Variants in VGLL4 observed in about 807,000 individuals in gnomAD.
VGLL4 encodes vestigial like family member 4.
VGLL4 carries 7 observed loss-of-function variants against 21.0 expected under a neutral mutation model. The ratio of observed to expected loss-of-function variants is 0.33; its 90% CI spans 0.19 to 0.63. VGLL4 has a LOEUF of 0.63. Ranked by LOEUF, VGLL4 falls within the 20% of genes least tolerant of loss-of-function variation. The pLI, the probability that VGLL4 is intolerant of heterozygous loss-of-function variation, is 0.78. For missense variants in VGLL4, 394 were observed against 425.7 expected, an observed-to-expected ratio of 0.93 and a Z score of 0.66; for synonymous variants, 222 against 173.2, an observed-to-expected ratio of 1.28 and a Z score of -2.21.
chr3:11,718,394 C>A (rs1471712527), intron 1 of VGLL4, among the ~76,000 whole-genome samples: 1 of 152,166 alleles, frequency 6.6e-6, no homozygotes, highest in African/African-American at 2.4e-5. Context: ...CCCAAGATCA[C>A]ACCACAGGGA....
chr3:11,639,655 C>A (rs1441830967), intron 1 of VGLL4, among the ~76,000 whole-genome samples: 1 of 152,168 alleles, frequency 6.6e-6, no homozygotes, highest in Non-Finnish European at 1.5e-5. Context: ...GGCGGATTAC[C>A]TGAGATCAGG....
intron 1 of VGLL4, among the ~76,000 whole-genome samples, chr3:11,622,608 A>G (rs994120136): frequency 6.6e-6 from 1 of 152,358 alleles, no homozygotes. Flanking sequence ...AAACTGAAAC[A>G]TTTTAATTTG....
chr3:11,618,302 A>G (rs552626994), intron 1 of VGLL4, among the ~76,000 whole-genome samples: 1 of 152,284 alleles, frequency 6.6e-6, no homozygotes, highest in Non-Finnish European at 1.5e-5. Flanking sequence ...AGTTTATGTA[A>G]GCTATTATTA....
At chr3:11,641,826 C>T (rs573162903) in intron 1 of VGLL4, among the ~76,000 whole-genome samples, 2 of 152,090 alleles carry the variant, frequency 1.3e-5, no homozygotes, top group Non-Finnish European at 2.9e-5. Context: ...TCGACCTGGG[C>T]TCGCTGTCCG....
intron 2 of VGLL4, among the ~76,000 whole-genome samples, chr3:11,580,382 T>C (rs1397967261): frequency 6.6e-6 from 1 of 152,264 alleles, no homozygotes; most frequent in African/African-American, 2.4e-5. Flanking sequence ...CATTTGGTTT[T>C]TCCATTCATC....
chr3:11,712,868 C>A (rs1034272948), intron 1 of VGLL4, among the ~76,000 whole-genome samples: 22 of 152,298 alleles, frequency 1.4e-4, no homozygotes, highest in African/African-American at 5.3e-4. Flanking sequence ...CCGTCAGGAA[C>A]ACGCAAACCA....
intron 1 of VGLL4, among the ~76,000 whole-genome samples, chr3:11,705,654 T>G (rs2076748903): frequency 6.6e-6 from 1 of 152,264 alleles, no homozygotes; most frequent in South Asian, 2.1e-4. Context: ...CTAGGTAATA[T>G]TCTCTTCACC....
chr3:11,657,175 T>C (rs919031937), intron 2 of VGLL4, among the ~76,000 whole-genome samples: 2 of 152,194 alleles, frequency 1.3e-5, no homozygotes, highest in African/African-American at 2.4e-5. Flanking sequence ...TGGATGTCCA[T>C]CTCGGCAGCC....
intron 1 of VGLL4, among the ~76,000 whole-genome samples, chr3:11,628,613 G>C (rs1400669035): frequency 1.3e-5 from 2 of 151,726 alleles, no homozygotes; most frequent in Admixed American, 1.3e-4. Flanking sequence ...GAGGTCAGGA[G>C]ATTGAGACCA....
intron 1 of VGLL4, among the ~76,000 whole-genome samples, chr3:11,627,021 A>ATG (rs2075363070): frequency 2.0e-5 from 3 of 152,062 alleles, no homozygotes; most frequent in African/African-American, 7.3e-5. Context: ...GTTATCACTT[A>ATG]AATGTAGTCA....
In VGLL4 at chr3:11,564,928, G is replaced by A. The variant is rs776699822; in HGVS notation, c.364C>T (p.His122Tyr). The A allele has an allele frequency of 2.5e-6, 4 of 1,592,068 alleles. No individual in the cohort carries two copies. The highest frequency in any genetic ancestry group is 3.4e-6 in the Non-Finnish European group (4 of 1,169,454). The change falls in exon 3 of 5, where the codon CAC (histidine) becomes TAC (tyrosine). Residue 122 changes from histidine (H) to tyrosine (Y), a missense_variant. Coordinates refer to ENST00000430365, the MANE Select transcript of VGLL4 (RefSeq NM_001128219.3). ...AGGGAGGTGTACAGGTGGCTGCCGT[G>A]CAGGCTCATGGTGGGGGCCACAGCG... ...ERAVAPTMSL[H>Y]GSHLYTSLPS...
chr3:11,557,250 CAG>C lies in VGLL4; in HGVS notation c.*1304_*1305del. 1 of 152,768 alleles carries C rather than the reference CAG, an allele frequency of 6.5e-6. No individual in the cohort carries two copies. The highest frequency in any genetic ancestry group is 1.5e-5 in the Non-Finnish European group (1 of 68,044). 9.5% of individuals were successfully genotyped at this position (152,768 alleles called of 1,614,324 possible). On this transcript the variant is annotated 3_prime_UTR_variant, in exon 5 of 5. Coordinates refer to ENST00000430365, the MANE Select transcript of VGLL4 (RefSeq NM_001128219.3). ...CTATTAATATAGCAAATAATAAATG[CAG>C]TAATAACAGTATAAAGTCAGAGGAA...
At chr3:11,617,148 T>G (rs898539076) in intron 1 of VGLL4, among the ~76,000 whole-genome samples, 1 of 152,176 alleles carries the variant, frequency 6.6e-6, no homozygotes, top group African/African-American at 2.4e-5. Context: ...ATTCTAACTC[T>G]AACAGGAGTG....
chr3:11,698,063 T>C (rs910218048), intron 2 of VGLL4, among the ~76,000 whole-genome samples: 2 of 152,222 alleles, frequency 1.3e-5, no homozygotes, highest in African/African-American at 2.4e-5. Flanking sequence ...GATCTTAAAA[T>C]TAGAAGATAT....
chr3:11,674,275 G>T (rs1382618251), intron 2 of VGLL4, among the ~76,000 whole-genome samples: 3 of 152,156 alleles, frequency 2.0e-5, no homozygotes, highest in Non-Finnish European at 4.4e-5. Flanking sequence ...AGGACCACAT[G>T]AGACACAGCA....
rs80303437 is a variant in VGLL4, at chr3:11,587,018, A to G, written c.272+14815T>C. 5.7e-3 allele frequency among the ~76,000 whole-genome samples: 866 copies of G among 152,376 alleles called. 28 individuals are homozygous for G. In the East Asian group the frequency reaches 0.067, roughly 12 times the overall value. On this transcript the variant is annotated intron_variant, in intron 2 of 4. Coordinates refer to ENST00000430365, the MANE Select transcript of VGLL4 (RefSeq NM_001128219.3). Reference sequence around the variant, plus strand: ...ACAACAAACTCTGTGTAGCTTGCCGAAAGTCGAGAAATAATAGCAGGGATT... The same window carrying G: ...ACAACAAACTCTGTGTAGCTTGCCGGAAGTCGAGAAATAATAGCAGGGATT...
At chr3:11,640,778 G>A (rs553894969) in intron 1 of VGLL4, among the ~76,000 whole-genome samples, 26 of 152,234 alleles carry the variant, frequency 1.7e-4, no homozygotes, top group African/African-American at 4.6e-4. Context: ...CAAGGTAAAC[G>A]GCTAAAAAGA....
At chr3:11,702,744 ACAAAAAAAAAAAC>A (rs1192145685) in intron 2 of VGLL4, 2 of 255,342 alleles carry the variant, frequency 7.8e-6, no homozygotes, top group African/African-American at 4.5e-5. Context: ...AAAAAAAAAA[ACAAAAAAAAAAAC>A]AAACCAGTAT....
At chr3:11,586,267 T>C (rs1244577417) in intron 2 of VGLL4, among the ~76,000 whole-genome samples, 4 of 152,040 alleles carry the variant, frequency 2.6e-5, no homozygotes, top group Non-Finnish European at 5.9e-5. Context: ...CAGGGAAGGG[T>C]ATGTGAGTGT....
Sources: allele counts gnomAD v4.1 joint callset (sites outside exome capture counted in the v4.1 genomes callset), GRCh38; gene constraint gnomAD v4.1.1; transcripts MANE v1.5; gene names NCBI Gene and HGNC (gene_info 2026-07-23, HGNC 2026-07-21).